The following KCNN2 variants were observed in gnomAD, a reference collection of about 807,000 sequenced individuals.
KCNN2 encodes potassium calcium-activated channel subfamily N member 2.
A neutral mutation model predicts 55.5 loss-of-function variants in KCNN2; 24 were observed. The observed-to-expected ratio is 0.43, with a 90% CI of 0.31 to 0.61. The LOEUF is 0.61. Ranked by LOEUF, KCNN2 falls within the 20% of genes least tolerant of loss-of-function variation. KCNN2 has a pLI of 0.08. For synonymous variants in KCNN2, 431 were observed against 336.1 expected (o/e 1.28, Z -3.09); for missense variants, 754 against 853.6 (o/e 0.88, Z 1.45).
intron 1 of KCNN2, among the ~76,000 whole-genome samples, chr5:114,210,751 T>C (rs1284411685): frequency 1.3e-5 from 2 of 152,184 alleles, no homozygotes; most frequent in East Asian, 1.9e-4. Flanking sequence ...GAATAGTTTA[T>C]GCCTCAATTA....
chr5:114,359,369 C>A (rs372298668), upstream of KCNN2, among the ~76,000 whole-genome samples: 16 of 152,284 alleles, frequency 1.1e-4, no homozygotes, highest in East Asian at 1.2e-3. Context: ...TAGGCAATTT[C>A]TGAGATGATT....
At chr5:114,324,939 GTCA>G (rs1161957216) in intron 2 of KCNN2, among the ~76,000 whole-genome samples, 1 of 152,156 alleles carries the variant, frequency 6.6e-6, no homozygotes, top group Non-Finnish European at 1.5e-5. Context: ...GAATACATAA[GTCA>G]TCATGAACAG....
At chr5:114,079,600 G>C (rs556071650) in intron 1 of KCNN2, among the ~76,000 whole-genome samples, 6 of 152,246 alleles carry the variant, frequency 3.9e-5, no homozygotes, top group Admixed American at 3.9e-4. Context: ...TTCAGGAAGT[G>C]TTATTGTTCT....
rs1459544550 is a variant in KCNN2 at position 114,382,342 on chromosome 5, G to C, written c.1218+18341G>C. Among the ~76,000 whole-genome samples, 5 of 152,170 alleles carry C rather than the reference G, an allele frequency of 3.3e-5. No individual in the cohort carries two copies. The East Asian group carries it at 7.7e-4, about 23-fold the overall frequency. On this transcript the variant is annotated intron_variant, in intron 2 of 7. Transcript: ENST00000673685. ...ACCTCTTTCCTTTCTGTGATATACA[G>C]CCATTGGAGAGGTTTACTAAATAAA...
intron 1 of KCNN2, among the ~76,000 whole-genome samples, chr5:114,075,310 C>T (rs1750662772): frequency 6.6e-6 from 1 of 152,148 alleles, no homozygotes; most frequent in Admixed American, 6.6e-5. Context: ...ACAAAAGATG[C>T]AGAAGCAAAT....
chr5:114,249,734 A>C (rs1349449245), intron 2 of KCNN2, among the ~76,000 whole-genome samples: 1 of 120,498 alleles, frequency 8.3e-6, no homozygotes, highest in East Asian at 2.5e-4. Flanking sequence ...TTAAAAAAAA[A>C]CCCTAGCTTC....
chr5:114,294,113 A>G (rs1262616770), intron 2 of KCNN2, among the ~76,000 whole-genome samples: 1 of 151,896 alleles, frequency 6.6e-6, no homozygotes, highest in Non-Finnish European at 1.5e-5. Flanking sequence ...CTAGCGGTCT[A>G]TCAATTTTGT....
intron 1 of KCNN2, among the ~76,000 whole-genome samples, chr5:114,090,849 C>G (rs560006684): frequency 7.2e-5 from 11 of 152,022 alleles, no homozygotes; most frequent in East Asian, 1.9e-4. Context: ...CTCTGCCCCC[C>G]ACCCTTTTTT....
At chr5:114,305,454 A>T (rs986649898) in intron 2 of KCNN2, among the ~76,000 whole-genome samples, 3 of 152,154 alleles carry the variant, frequency 2.0e-5, no homozygotes, top group Non-Finnish European at 4.4e-5. Context: ...TGGGGTACCA[A>T]GAGAAATAAA....
rs371326485 is a variant in KCNN2, at chr5:114,271,047, C to T, written c.-185+49482C>T. 2.5e-4 allele frequency among the ~76,000 whole-genome samples: 38 copies of T among 152,192 alleles called. No homozygotes were observed. In the South Asian group the frequency reaches 5.8e-3, roughly 23 times the overall value. ...GAGTGAAAGAACAAAGCTTCCACAG[C>T]GTGGAAGGTGACCCGAGTGGGTTGC... On this transcript the variant is annotated intron_variant, in intron 2 of 10. Transcript: ENST00000512097.
intron 2 of KCNN2, among the ~76,000 whole-genome samples, chr5:114,241,802 ATACG>A (rs1183029160): frequency 0.012 from 408 of 33,280 alleles, 112 homozygotes; most frequent in Middle Eastern, 0.067. Flanking sequence ...ATGTATATAT[ATACG>A]TATATATATA....
chr5:114,389,783 G>A (rs1758403429), intron 2 of KCNN2, among the ~76,000 whole-genome samples: 1 of 152,148 alleles, frequency 6.6e-6, no homozygotes, highest in African/African-American at 2.4e-5. Context: ...ATTTGCTTCT[G>A]CTGGAAAGCA....
At chr5:114,222,282 G>A (rs1451700916) in intron 2 of KCNN2, among the ~76,000 whole-genome samples, 1 of 152,166 alleles carries the variant, frequency 6.6e-6, no homozygotes, top group African/African-American at 2.4e-5. Context: ...TAAGACCCTA[G>A]TAAACAATAT....
chr5:114,397,874 T>C (rs1394804235), intron 2 of KCNN2, among the ~76,000 whole-genome samples: 2 of 152,208 alleles, frequency 1.3e-5, no homozygotes, highest in African/African-American at 4.8e-5. Flanking sequence ...TACTTTTTAA[T>C]GGGGTTGTTT....
chr5:114,426,402 T>C (rs1429416846), intron 3 of KCNN2, among the ~76,000 whole-genome samples: 1 of 152,192 alleles, frequency 6.6e-6, no homozygotes, highest in Non-Finnish European at 1.5e-5. Flanking sequence ...GGTTTGCTAG[T>C]ATTTTGTTGA....
chr5:114,405,131 T>G (rs1328102486), intron 3 of KCNN2, among the ~76,000 whole-genome samples: 1 of 152,162 alleles, frequency 6.6e-6, no homozygotes, highest in African/African-American at 2.4e-5. Flanking sequence ...ACCTAGAAAT[T>G]GTACAGGACA....
At chr5:114,252,597 A>G (rs1242679529) in intron 2 of KCNN2, among the ~76,000 whole-genome samples, 7 of 152,108 alleles carry the variant, frequency 4.6e-5, no homozygotes, top group African/African-American at 1.7e-4. Flanking sequence ...TTTCTTTTCT[A>G]TTTAGTTAGG....
chr5:114,246,426 G>A (rs1292498345), intron 2 of KCNN2, among the ~76,000 whole-genome samples: 2 of 152,096 alleles, frequency 1.3e-5, no homozygotes, highest in Non-Finnish European at 2.9e-5. Context: ...TCATGGTTAT[G>A]AATACTTATC....
At chr5:114,459,957 G>A (rs575873298) in intron 3 of KCNN2, among the ~76,000 whole-genome samples, 31 of 152,130 alleles carry the variant, frequency 2.0e-4, no homozygotes, top group Non-Finnish European at 3.1e-4. Context: ...AAAGGTAAGC[G>A]TCTAATGAGT....
Sources: gnomAD v4.1 joint callset for allele counts (sites outside exome capture counted in the v4.1 genomes callset) on GRCh38, gnomAD v4.1.1 for gene constraint, MANE v1.5 for transcripts, NCBI Gene and HGNC (gene_info 2026-07-23, HGNC 2026-07-21) for gene names.